BRD10: variants seen among roughly 807,000 people sequenced by gnomAD.
BRD10 encodes the protein bromodomain containing 10.
chr9:5,909,574 G>A, the BRD10 span: 1 of 152,128 alleles, frequency 6.6e-6, no homozygotes, highest in African/African-American at 2.4e-5. Context: ...TATATCTTAG[G>A]TAAGACATAT....
chr9:5,955,898 A>C, the BRD10 span, among the ~76,000 whole-genome samples: 1 of 152,156 alleles, frequency 6.6e-6, no homozygotes, highest in Non-Finnish European at 1.5e-5. Flanking sequence ...TACAGCTAGT[A>C]ATTGATTCCT....
chr9:5,906,740 A>G, the BRD10 span: 5 of 522,358 alleles, frequency 9.6e-6, no homozygotes, highest in Non-Finnish European at 1.4e-5. Flanking sequence ...TTCAGAAGGT[A>G]AAGTGATGAG....
the BRD10 span, among the ~76,000 whole-genome samples, chr9:5,987,072 TTAC>T: frequency 1.3e-5 from 2 of 152,198 alleles, no homozygotes; most frequent in Non-Finnish European, 2.9e-5. Flanking sequence ...CTTGGGCAAG[TTAC>T]TTCATCACTC....
the BRD10 span, among the ~76,000 whole-genome samples, chr9:5,918,479 G>A: frequency 6.6e-6 from 1 of 152,142 alleles, no homozygotes; most frequent in Non-Finnish European, 1.5e-5. Context: ...ACTTTGGGAG[G>A]CCAAGGTAGG....
At chr9:5,897,543 A>G in the BRD10 span, 5 of 1,610,896 alleles carry the variant, frequency 3.1e-6, no homozygotes, top group East Asian at 6.7e-5. Context: ...GGATTTGTCT[A>G]TCTCTTGGGC....
chr9:5,887,708 C>T, the BRD10 span, among the ~76,000 whole-genome samples: 10 of 152,162 alleles, frequency 6.6e-5, no homozygotes, highest in African/African-American at 1.4e-4. Context: ...GGGCTTATAT[C>T]CTTCCCAATT....
At chr9:5,993,532 G>A in the BRD10 span, among the ~76,000 whole-genome samples, 64 of 152,254 alleles carry the variant, frequency 4.2e-4, no homozygotes, top group South Asian at 6.2e-4. Flanking sequence ...GCACTCCAGT[G>A]CTAGCCACAG....
the BRD10 span, among the ~76,000 whole-genome samples, chr9:5,947,185 G>A: frequency 6.6e-6 from 1 of 152,100 alleles, no homozygotes; most frequent in African/African-American, 2.4e-5. Flanking sequence ...TTAGTAAACT[G>A]TACTAAATTA....
At chr9:5,884,079 T>G in the BRD10 span, among the ~76,000 whole-genome samples, 2 of 152,200 alleles carry the variant, frequency 1.3e-5, no homozygotes, top group Non-Finnish European at 2.9e-5. Context: ...GCGCAGTCTC[T>G]CTCCTTTTTG....
the BRD10 span, among the ~76,000 whole-genome samples, chr9:5,951,339 A>C: frequency 6.6e-6 from 1 of 151,430 alleles, no homozygotes; most frequent in African/African-American, 2.4e-5. Context: ...AAAAAAAAAA[A>C]ACTTCACAAT....
chr9:5,991,074 A>G, the BRD10 span, among the ~76,000 whole-genome samples: 1 of 152,214 alleles, frequency 6.6e-6, no homozygotes, highest in Non-Finnish European at 1.5e-5. Context: ...ACTGTTAAAG[A>G]TGTCCATATT....
the BRD10 span, among the ~76,000 whole-genome samples, chr9:5,998,076 T>C: frequency 2.0e-5 from 3 of 152,118 alleles, no homozygotes; most frequent in Non-Finnish European, 4.4e-5. Flanking sequence ...TGGTGGATGG[T>C]CAAATCTCTA....
At chr9:5,967,710 A>AAC in the BRD10 span, among the ~76,000 whole-genome samples, 29 of 148,862 alleles carry the variant, frequency 1.9e-4, no homozygotes, top group South Asian at 4.2e-4. Context: ...AAAAAAAAAA[A>AAC]ACACACATTT....
the BRD10 span, among the ~76,000 whole-genome samples, chr9:5,970,202 A>C: frequency 6.6e-6 from 1 of 152,238 alleles, no homozygotes; most frequent in Non-Finnish European, 1.5e-5. Flanking sequence ...TATATAAGAA[A>C]AACAAAACTA....
chr9:5,894,253 C>T, the BRD10 span, among the ~76,000 whole-genome samples: 3 of 152,102 alleles, frequency 2.0e-5, no homozygotes, highest in Non-Finnish European at 4.4e-5. This position sits in a 1 kb window ranked among gnomAD's most constrained non-coding sequence, Gnocchi z 4.0. Flanking sequence ...CAGGTGTACC[C>T]ACAACCTGAA....
At chr9:5,904,507 C>T in the BRD10 span, among the ~76,000 whole-genome samples, 2 of 152,012 alleles carry the variant, frequency 1.3e-5, no homozygotes, top group Non-Finnish European at 1.5e-5. Context: ...CTCACTCACT[C>T]TGTCGCCCAG....
At chr9:6,008,382 G>A in the BRD10 span, 8 of 868,098 alleles carry the variant, frequency 9.2e-6, no homozygotes, top group South Asian at 2.6e-4. Context: ...AAAGGGGAGG[G>A]GCAGGGAGAG....
At chr9:5,957,801 A>G in the BRD10 span, among the ~76,000 whole-genome samples, 1 of 152,156 alleles carries the variant, frequency 6.6e-6, no homozygotes, top group South Asian at 2.1e-4. Flanking sequence ...AAAATTAAAT[A>G]TTATTTTAAA....
chr9:5,888,987 C>T, the BRD10 span, among the ~76,000 whole-genome samples: 4 of 152,124 alleles, frequency 2.6e-5, no homozygotes, highest in South Asian at 6.2e-4. Flanking sequence ...TGAGAAGAAG[C>T]TCCAAAGCAC....
Sources: allele counts gnomAD v4.1 joint callset (sites outside exome capture counted in the v4.1 genomes callset), GRCh38; gene constraint gnomAD v4.1.1; non-coding constraint Gnocchi (gnomAD v3.1); transcripts MANE v1.5; gene names NCBI Gene and HGNC (gene_info 2026-07-23, HGNC 2026-07-21).